GRM8: variants seen among roughly 807,000 people sequenced by gnomAD.
The protein encoded by GRM8 is metabotropic glutamate receptor 8.
GRM8 carries 47 observed loss-of-function variants against 87.2 expected under a neutral mutation model. The ratio of observed to expected loss-of-function variants is 0.54; its 90% CI spans 0.43 to 0.69. The LOEUF (loss-of-function observed/expected upper bound fraction) is 0.69. Among genes scored for constraint, GRM8 ranks in the 30% least tolerant of loss-of-function variants. The pLI is 0.00. For synonymous variants in GRM8, 396 were observed against 404.5 expected (o/e 0.98, Z 0.25); for missense variants, 1,019 against 1,139.2 (o/e 0.89, Z 1.52).
chr7:126,712,452 T>C lies in GRM8; in HGVS notation c.1357+57413A>G, dbSNP rs1249112222. 1.2e-4 allele frequency among the ~76,000 whole-genome samples: 18 copies of C among 152,132 alleles called. 1 individual carries two copies. Among genetic ancestry groups the C allele is most frequent in the Admixed American group, 1.2e-3 (18 of 15,260 alleles). ...CAAAATGTTAAACAGAGATACAAAG[T>C]AAACACATGATGTTGGAAAAACAGC... On this transcript the variant is annotated intron_variant, in intron 7 of 10. Coordinates refer to ENST00000339582, the MANE Select transcript of GRM8 (RefSeq NM_000845.3).
intron 6 of GRM8, among the ~76,000 whole-genome samples, chr7:126,852,609 G>A (rs1797315064): frequency 6.6e-6 from 1 of 152,070 alleles, no homozygotes; most frequent in Non-Finnish European, 1.5e-5. Flanking sequence ...GTGCCAAATT[G>A]GAACATTTAA....
chr7:126,896,953 T>C (rs569680476), intron 6 of GRM8, among the ~76,000 whole-genome samples: 16 of 152,286 alleles, frequency 1.1e-4, no homozygotes, highest in Admixed American at 7.2e-4. Context: ...AGGTCTGTTG[T>C]TTGTCTCTCT....
chr7:126,656,482 A>G (rs77911855), intron 7 of GRM8, among the ~76,000 whole-genome samples: 26,078 of 151,944 alleles, frequency 0.17, 2,770 homozygotes, highest in Non-Finnish European at 0.23. Context: ...ATCGAGACCA[A>G]CCTGACCAAC....
chr7:127,110,610 C>CT (rs1480840623), intron 2 of GRM8, among the ~76,000 whole-genome samples: 8 of 149,824 alleles, frequency 5.3e-5, no homozygotes, highest in Middle Eastern at 3.5e-3. Flanking sequence ...TCATCATCCT[C>CT]TTTTTTTAAA....
chr7:126,681,420 T>C (rs1807567729), intron 7 of GRM8, among the ~76,000 whole-genome samples: 2 of 152,350 alleles, frequency 1.3e-5, no homozygotes, highest in South Asian at 4.1e-4. Context: ...TAAATCTACC[T>C]AAGGTACTTT....
In GRM8 at chr7:127,052,854, G is replaced by C. The variant is rs376877742; in HGVS notation, c.727+53642C>G. On this transcript the variant is annotated intron_variant, in intron 3 of 10. Transcript: ENST00000339582. ...GGCAATTCCCTTTCCAAATAGGCTAGTTTGTAGATTCTGTCTTTGAATGTG... is the reference window on the plus strand; with the variant it reads ...GGCAATTCCCTTTCCAAATAGGCTACTTTGTAGATTCTGTCTTTGAATGTG... Among the ~76,000 whole-genome samples, 11 of 152,108 alleles carry C rather than the reference G, an allele frequency of 7.2e-5. No individual in the cohort carries two copies. In the East Asian group the frequency reaches 1.7e-3, roughly 24 times the overall value.
At chr7:126,602,128 T>C (rs1797844101) in intron 8 of GRM8, among the ~76,000 whole-genome samples, 1 of 143,558 alleles carries the variant, frequency 7.0e-6, no homozygotes, top group Admixed American at 7.1e-5. Context: ...AAGGAAGGGA[T>C]CCAGTTTGAG....
chr7:127,214,463 C>T (rs187969784), intron 2 of GRM8, among the ~76,000 whole-genome samples: 1 of 152,290 alleles, frequency 6.6e-6, no homozygotes, highest in East Asian at 1.9e-4. Flanking sequence ...TTTCACACTG[C>T]TATAAAGAAC....
chr7:126,868,048 T>C (rs1204523), intron 6 of GRM8, among the ~76,000 whole-genome samples: 99,052 of 152,024 alleles, frequency 0.65, 32,555 homozygotes, highest in African/African-American at 0.72. Flanking sequence ...GCTTGGCTGG[T>C]ACCCTCTGGG....
chr7:126,945,335 T>C (rs1228924414), intron 3 of GRM8, among the ~76,000 whole-genome samples: 1 of 152,222 alleles, frequency 6.6e-6, no homozygotes, highest in Non-Finnish European at 1.5e-5. Context: ...GTGATGGATA[T>C]AGAAGTTTTT....
intron 7 of GRM8, among the ~76,000 whole-genome samples, chr7:126,625,355 T>C (rs1800570657): frequency 6.6e-6 from 1 of 151,928 alleles, no homozygotes; most frequent in Non-Finnish European, 1.5e-5. Flanking sequence ...TTCGTTTCCA[T>C]AAAAACCAAA....
chr7:126,884,405 T>G (rs1800299638), intron 6 of GRM8, among the ~76,000 whole-genome samples: 1 of 152,164 alleles, frequency 6.6e-6, no homozygotes, highest in Non-Finnish European at 1.5e-5. Context: ...AGCCACATAT[T>G]TTTTCAACCA....
chr7:126,882,144 G>C (rs1176011549), intron 6 of GRM8, among the ~76,000 whole-genome samples: 1 of 152,178 alleles, frequency 6.6e-6, no homozygotes, highest in African/African-American at 2.4e-5. Flanking sequence ...GCAGCCCCAA[G>C]GGAGAAGGGT....
intron 6 of GRM8, among the ~76,000 whole-genome samples, chr7:126,808,102 A>G (rs1466103819): frequency 1.3e-5 from 2 of 152,214 alleles, no homozygotes; most frequent in African/African-American, 4.8e-5. Context: ...ACACTATAGG[A>G]TATTTGTCAA....
At chr7:127,236,484 G>A (rs1211704375) in intron 2 of GRM8, among the ~76,000 whole-genome samples, 1 of 152,182 alleles carries the variant, frequency 6.6e-6, no homozygotes, top group Admixed American at 6.5e-5. Context: ...CAAGGTGGCA[G>A]GAAGGAGCGT....
intron 3 of GRM8, among the ~76,000 whole-genome samples, chr7:126,944,285 A>G (rs996380525): frequency 6.6e-6 from 1 of 150,570 alleles, no homozygotes; most frequent in Non-Finnish European, 1.5e-5. Context: ...GAATAAATAC[A>G]GAAGTAAAAG....
chr7:126,519,110 T>C (rs1191698006), intron 9 of GRM8, among the ~76,000 whole-genome samples: 1 of 152,074 alleles, frequency 6.6e-6, no homozygotes, highest in Non-Finnish European at 1.5e-5. Context: ...GCAAAGCACT[T>C]GGATTGTGGG....
chr7:127,181,432 T>C (rs976871564), intron 2 of GRM8, among the ~76,000 whole-genome samples: 8 of 152,130 alleles, frequency 5.3e-5, no homozygotes, highest in African/African-American at 1.7e-4. Context: ...AAAAGCAATC[T>C]ATACATTCAA....
intron 3 of GRM8, among the ~76,000 whole-genome samples, chr7:126,912,166 C>T (rs1444668166): frequency 6.6e-6 from 1 of 152,092 alleles, no homozygotes; most frequent in Non-Finnish European, 1.5e-5. Flanking sequence ...CACTGCACTC[C>T]AGCCTGGGCA....
Sources: allele counts gnomAD v4.1 joint callset (sites outside exome capture counted in the v4.1 genomes callset), GRCh38; gene constraint gnomAD v4.1.1; transcripts MANE v1.5; gene names NCBI Gene and HGNC (gene_info 2026-07-23, HGNC 2026-07-21).